RXRA: variants seen among roughly 807,000 people sequenced by gnomAD.
RXRA encodes retinoic acid receptor RXR-alpha.
RXRA carries 5 observed loss-of-function variants against 44.5 expected under a neutral mutation model. That is an observed-to-expected ratio of 0.11 (90% confidence interval 0.06 to 0.24). The LOEUF (loss-of-function observed/expected upper bound fraction) is 0.24, where lower values mean the gene tolerates loss of function less well. RXRA is among the 10% of genes least tolerant of loss of function. The probability of loss-of-function intolerance (pLI) is 1.00; values close to 1 mark genes in which losing one functional copy is unlikely to be tolerated. For missense variants in RXRA, 412 were observed against 646.5 expected (o/e 0.64, Z 3.93); for synonymous variants, 291 against 271.4 (o/e 1.07, Z -0.71).
chr9:134,340,747 G>A (rs1343151614), intron 1 of RXRA, among the ~76,000 whole-genome samples: 3 of 152,164 alleles, frequency 2.0e-5, no homozygotes, highest in Non-Finnish European at 4.4e-5. Flanking sequence ...TGGCCCAAGC[G>A]GTCCTCCCTG....
chr9:134,327,208 C>T (rs1834930115), intron 1 of RXRA, among the ~76,000 whole-genome samples: 1 of 152,216 alleles, frequency 6.6e-6, no homozygotes, highest in East Asian at 1.9e-4. Context: ...GGCAGGGTCC[C>T]CCGGGGCTGT....
intron 2 of RXRA, chr9:134,403,395 T>C (rs1830995366): frequency 6.6e-6 from 1 of 152,280 alleles, no homozygotes; most frequent in African/African-American, 2.4e-5. Flanking sequence ...GGTCATGTTA[T>C]TTTTAGCACA....
At position 134,343,233 on chromosome 9, in the gene RXRA, G is replaced by T. The variant is rs782273418; in HGVS notation, c.28+16574G>T. On this transcript the variant is annotated intron_variant, in intron 1 of 9. Transcript: ENST00000481739. This position sits in a 1 kb window ranked among gnomAD's most constrained non-coding sequence, Gnocchi z 4.1. ...GAGTGTCGACTTTCTCATCTGTGAC[G>T]TGGGGTGAGGGCACTTGCTGCCCAG... Among the ~76,000 whole-genome samples the T allele has an allele frequency of 1.3e-5, 2 of 152,170 alleles. No individual in the cohort carries two copies. The highest frequency in any genetic ancestry group is 2.1e-4 in the South Asian group (1 of 4,830).
At chr9:134,375,594 G>A (rs867468559) in intron 1 of RXRA, among the ~76,000 whole-genome samples, 17 of 152,298 alleles carry the variant, frequency 1.1e-4, no homozygotes, top group South Asian at 8.3e-4. Context: ...ACGCTGGGTT[G>A]GCCGTCTAGT....
chr9:134,416,518 CTG>C (rs1831237446), intron 4 of RXRA, among the ~76,000 whole-genome samples: 1 of 152,168 alleles, frequency 6.6e-6, no homozygotes, highest in Admixed American at 6.5e-5. Flanking sequence ...TGGGCCGTCT[CTG>C]TGTGGCCAGG....
intron 1 of RXRA, among the ~76,000 whole-genome samples, chr9:134,385,040 G>A (rs1216418497): frequency 3.9e-5 from 6 of 152,216 alleles, no homozygotes; most frequent in South Asian, 2.1e-4. Flanking sequence ...GGTGTGGGCC[G>A]TGAGTCGCTG....
intron 4 of RXRA, among the ~76,000 whole-genome samples, chr9:134,410,804 T>G (rs1042639817): frequency 6.6e-6 from 1 of 152,210 alleles, no homozygotes; most frequent in South Asian, 2.1e-4. Flanking sequence ...TCTCAGATCC[T>G]GGGGGCTTCA....
chr9:134,407,928 G>A lies in RXRA; in HGVS notation c.280-221G>A, dbSNP rs1202078644. On this transcript the variant is annotated intron_variant, in intron 2 of 9. Coordinates refer to ENST00000481739, the MANE Select transcript of RXRA (RefSeq NM_002957.6). The surrounding 1 kb of genome is among the most constrained non-coding windows in gnomAD (Gnocchi z 4.8). ...CAGAGGCCTGGGGTCTGCTGCGGGCGAGTCCTGAGGTTGCCACAGCCTCTG... is the reference window on the plus strand; with the variant it reads ...CAGAGGCCTGGGGTCTGCTGCGGGCAAGTCCTGAGGTTGCCACAGCCTCTG... Among the ~76,000 whole-genome samples, 7 of 152,088 alleles carry A rather than the reference G, an allele frequency of 4.6e-5. No individual in the cohort carries two copies. The highest frequency in any genetic ancestry group is 2.6e-4 in the Admixed American group (4 of 15,302).
At chr9:134,415,148 T>C (rs929275845) in intron 4 of RXRA, among the ~76,000 whole-genome samples, 2 of 152,210 alleles carry the variant, frequency 1.3e-5, no homozygotes, top group African/African-American at 4.8e-5. Context: ...CCTCCCCGCC[T>C]GAGTCTCCCT....
At chr9:134,334,051 G>C (rs1346996473) in intron 1 of RXRA, among the ~76,000 whole-genome samples, 1 of 152,260 alleles carries the variant, frequency 6.6e-6, no homozygotes, top group Non-Finnish European at 1.5e-5. Flanking sequence ...TGGCAAGCCT[G>C]CTGGGTCTGT....
At chr9:134,422,382 C>A in intron 6 of RXRA, 6 of 1,277,458 alleles carry the variant, frequency 4.7e-6, no homozygotes, top group South Asian at 2.5e-5. Flanking sequence ...ACACTCCCCC[C>A]TCCCGGGACA....
At chr9:134,382,756 G>A (rs564889166) in intron 1 of RXRA, among the ~76,000 whole-genome samples, 4 of 152,306 alleles carry the variant, frequency 2.6e-5, no homozygotes, top group African/African-American at 4.8e-5. Context: ...GGTCTGTGGC[G>A]TTGCCGTCTC....
intron 1 of RXRA, among the ~76,000 whole-genome samples, chr9:134,382,605 TG>T (rs1830662747): frequency 6.6e-6 from 1 of 152,020 alleles, no homozygotes; most frequent in Non-Finnish European, 1.5e-5. Flanking sequence ...CATGGGGTGC[TG>T]GGGTGTGGAT....
In RXRA at chr9:134,342,243, C is replaced by T. The variant is rs527402345; in HGVS notation, c.28+15584C>T. ...CCAGAGTGAGGGCAGGGGCGGGGGT[C>T]CGGGTCGAGGACTAGCAAGCCACAG... On this transcript the variant is annotated intron_variant, in intron 1 of 9. Transcript: ENST00000481739. The surrounding 1 kb of genome is among the most constrained non-coding windows in gnomAD (Gnocchi z 4.4). Among the ~76,000 whole-genome samples, 23 of 152,058 alleles carry T rather than the reference C, an allele frequency of 1.5e-4. No homozygotes were observed. Among genetic ancestry groups the T allele is most frequent in the Non-Finnish European group, 3.4e-4 (23 of 67,984 alleles).
chr9:134,386,622 C>T (rs1396070460), intron 1 of RXRA, among the ~76,000 whole-genome samples: 1 of 152,204 alleles, frequency 6.6e-6, no homozygotes, highest in African/African-American at 2.4e-5. Flanking sequence ...CTGAGGGTGT[C>T]ATGGGAGCGT....
chr9:134,420,475 C>A (rs1831310970), intron 5 of RXRA, among the ~76,000 whole-genome samples: 1 of 152,196 alleles, frequency 6.6e-6, no homozygotes, highest in Non-Finnish European at 1.5e-5. Context: ...CTGGCTCGGG[C>A]CCCCAAGGGC....
At chr9:134,368,790 A>T (rs1830447546) in intron 1 of RXRA, among the ~76,000 whole-genome samples, 1 of 150,070 alleles carries the variant, frequency 6.7e-6, no homozygotes, top group Non-Finnish European at 1.5e-5. Context: ...GGGTGTGTGC[A>T]TGTGACTGTG....
intron 1 of RXRA, among the ~76,000 whole-genome samples, chr9:134,356,883 G>A (rs1033068232): frequency 6.6e-6 from 1 of 152,182 alleles, no homozygotes; most frequent in Non-Finnish European, 1.5e-5. Context: ...CGATGGCCCT[G>A]GTAGAAAGTG....
At chr9:134,386,829 T>G (rs1830727731) in intron 1 of RXRA, among the ~76,000 whole-genome samples, 1 of 152,092 alleles carries the variant, frequency 6.6e-6, no homozygotes, top group Non-Finnish European at 1.5e-5. Context: ...GGTGGGAGCG[T>G]GGGTGGTTCT....
Sources: gnomAD v4.1 joint callset for allele counts (sites outside exome capture counted in the v4.1 genomes callset) on GRCh38, gnomAD v4.1.1 for gene constraint, Gnocchi (gnomAD v3.1) non-coding constraint, MANE v1.5 for transcripts, NCBI Gene and HGNC (gene_info 2026-07-23, HGNC 2026-07-21) for gene names.